FYB1: variants seen among roughly 807,000 people sequenced by gnomAD.
The protein encoded by FYB1 is FYN binding protein 1.
FYB1 carries 41 observed loss-of-function variants against 94.1 expected under a neutral mutation model. The observed-to-expected ratio is 0.44, with a 90% CI of 0.34 to 0.57. The LOEUF is 0.57. Ranked by LOEUF, FYB1 falls within the 20% of genes least tolerant of loss-of-function variation. The pLI, the probability that FYB1 is intolerant of heterozygous loss-of-function variation, is 0.02. For missense variants in FYB1, 1,050 were observed against 976.8 expected (o/e 1.07, Z -1.00); for synonymous variants, 367 against 353.2 (o/e 1.04, Z -0.44).
chr5:39,139,370 C>A, intron 4 of FYB1, 118 bp from the exon 5 acceptor site: 1 of 858,034 alleles, frequency 1.2e-6, no homozygotes, highest in Non-Finnish European at 1.6e-6. Context: ...AGAACTTATG[C>A]TTTATCAAAG....
At chr5:39,153,248 C>A (rs1032301639) in intron 3 of FYB1, among the ~76,000 whole-genome samples, 200 bp downstream of exon 3, 2 of 152,170 alleles carry the variant, frequency 1.3e-5, no homozygotes, top group Admixed American at 6.5e-5. Flanking sequence ...ATAAGAATGG[C>A]TCAGAACTGA....
intron 2 of FYB1, among the ~76,000 whole-genome samples, chr5:39,194,266 A>G (rs1035147841): frequency 1.3e-5 from 2 of 152,188 alleles, no homozygotes; most frequent in Non-Finnish European, 2.9e-5. Flanking sequence ...CATGTCTGTA[A>G]TCTCAGCACT....
intron 16 of FYB1, among the ~76,000 whole-genome samples, chr5:39,113,572 C>T (rs958261917): frequency 5.9e-5 from 9 of 151,932 alleles, no homozygotes; most frequent in Non-Finnish European, 8.8e-5. Context: ...GAATGACTCA[C>T]CTTTTAGAAG....
Position 39,126,026 on chromosome 5 carries a change from A to G in FYB1, c.2017T>C (p.Ser673Pro). The G allele has an allele frequency of 3.1e-6, 5 of 1,613,428 alleles. No individual in the cohort carries two copies. The highest frequency in any genetic ancestry group is 4.2e-6 in the Non-Finnish European group (5 of 1,179,666). Residue 673 changes from serine (S) to proline (P), a missense_variant, in exon 12 of 19, where the codon TCT (serine) becomes CCT (proline). Ser to Pro is a moderately conservative substitution (Grantham distance 74, BLOSUM62 -1). Transcript: ENST00000512982. ...GAACCTTCATTATTGTCTGAGTCAG[A>G]GACTTTAGGTTTCTCTCGTATACTT... The part of the protein sequence containing the change: ...KKSIREKPKV[S>P]DSDNNEGSSF...
chr5:39,219,577 G>T, upstream of FYB1: 1 of 985,432 alleles, frequency 1.0e-6, no homozygotes, highest in Non-Finnish European at 1.2e-6. Context: ...GCTTTCTGAT[G>T]CCTGGCAGGG....
intron 1 of FYB1, among the ~76,000 whole-genome samples, chr5:39,204,437 G>GA (rs1333880672): frequency 2.0e-5 from 3 of 152,154 alleles, no homozygotes; most frequent in Admixed American, 6.5e-5. Flanking sequence ...TTTAAACATG[G>GA]AATTTGTAAA....
intron 3 of FYB1, among the ~76,000 whole-genome samples, chr5:39,147,594 T>C (rs1742783692): frequency 6.6e-6 from 1 of 152,056 alleles, no homozygotes; most frequent in Non-Finnish European, 1.5e-5. Flanking sequence ...GAATCTTTTA[T>C]GCTATTAAGA....
intron 1 of FYB1, among the ~76,000 whole-genome samples, chr5:39,273,759 G>A (rs1358674934): frequency 1.1e-4 from 16 of 152,170 alleles, no homozygotes; most frequent in Non-Finnish European, 2.9e-5. Context: ...ACTGAAGGTG[G>A]TGGCTAGGTG....
At chr5:39,232,633 T>C (rs181605678) in intron 1 of FYB1, among the ~76,000 whole-genome samples, 3 of 151,806 alleles carry the variant, frequency 2.0e-5, no homozygotes, top group African/African-American at 7.3e-5. Flanking sequence ...TAGTTACATA[T>C]GTATACATGT....
intron 2 of FYB1, among the ~76,000 whole-genome samples, chr5:39,161,869 G>A (rs182568079): frequency 2.3e-4 from 35 of 152,282 alleles, no homozygotes; most frequent in African/African-American, 7.9e-4. Flanking sequence ...AAACCTTGCT[G>A]CCATAGGCAG....
chr5:39,214,632 AAAC>A (rs1287678351), intron 1 of FYB1, among the ~76,000 whole-genome samples: 17 of 152,228 alleles, frequency 1.1e-4, no homozygotes, highest in African/African-American at 1.7e-4. Context: ...GCCAGTCACG[AAAC>A]AACAAGTATT....
intron 2 of FYB1, among the ~76,000 whole-genome samples, chr5:39,189,027 C>T (rs1747112825): frequency 6.6e-6 from 1 of 152,096 alleles, no homozygotes; most frequent in African/African-American, 2.4e-5. Context: ...TCTTTTGCTT[C>T]TTCTGAATAT....
intron 1 of FYB1, among the ~76,000 whole-genome samples, chr5:39,257,470 G>A (rs931251790): frequency 4.7e-5 from 7 of 147,970 alleles, no homozygotes; most frequent in African/African-American, 1.7e-4. Flanking sequence ...AATATTTTGT[G>A]TAGATTTTGC....
chr5:39,258,901 G>T (rs1284512778), intron 1 of FYB1, among the ~76,000 whole-genome samples: 1 of 152,186 alleles, frequency 6.6e-6, no homozygotes, highest in Non-Finnish European at 1.5e-5. Flanking sequence ...TTCAGGGTAT[G>T]GAAGGGTTTG....
At chr5:39,272,670 C>CAAAAAAAAAAAA (rs1195291951) in intron 1 of FYB1, among the ~76,000 whole-genome samples, 2 of 70,876 alleles carry the variant, frequency 2.8e-5, no homozygotes, top group Non-Finnish European at 5.3e-5. Context: ...AGACTCATCT[C>CAAAAAAAAAAAA]AAAAAAAAAA....
rs537304583 is a variant in FYB1 at position 39,219,435 on chromosome 5, G to C, written c.-28+8C>G. 1 of 985,470 alleles carries C rather than the reference G, an allele frequency of 1.0e-6. No individual in the cohort carries two copies. The highest frequency in any genetic ancestry group is 1.2e-6 in the Non-Finnish European group (1 of 829,932). The allele number at this position is 985,470 out of a possible 1,614,324, so 61.0% of individuals were successfully genotyped here. On this transcript the variant is annotated splice_region_variant and intron_variant, in intron 1 of 18. Coordinates refer to ENST00000512982, the MANE Select transcript of FYB1 (RefSeq NM_001465.6). ...ATTTGAAAGAAGAAACCTAGGCATA[G>C]CTGTTACCTGACTCCTGCAGAAGAA...
intron 2 of FYB1, among the ~76,000 whole-genome samples, chr5:39,191,864 A>G (rs1268053676): frequency 2.0e-5 from 3 of 152,220 alleles, no homozygotes; most frequent in African/African-American, 7.2e-5. Context: ...ATTTTTGCTC[A>G]TGAGGCATAA....
intron 1 of FYB1, among the ~76,000 whole-genome samples, chr5:39,247,867 T>G (rs1751552130): frequency 6.6e-6 from 1 of 151,684 alleles, no homozygotes; most frequent in Non-Finnish European, 1.5e-5. Flanking sequence ...CTTTTTTTCT[T>G]GGCTTTGGGC....
intron 2 of FYB1, among the ~76,000 whole-genome samples, chr5:39,162,960 A>G (rs1744395172): frequency 6.6e-6 from 1 of 152,230 alleles, no homozygotes; most frequent in Admixed American, 6.5e-5. Context: ...ATTTAATTAA[A>G]TAGCTGGAAA....
Sources: gnomAD v4.1 joint callset for allele counts (sites outside exome capture counted in the v4.1 genomes callset) on GRCh38, gnomAD v4.1.1 for gene constraint, MANE v1.5 for transcripts, NCBI Gene and HGNC (gene_info 2026-07-23, HGNC 2026-07-21) for gene names.